KDM4C: variants seen among roughly 807,000 people sequenced by gnomAD.
The protein encoded by KDM4C is lysine demethylase 4C, also known as lysine-specific demethylase 4C.
KDM4C carries 81 observed loss-of-function variants against 129.3 expected under a neutral mutation model. The ratio of observed to expected loss-of-function variants is 0.63; its 90% CI spans 0.52 to 0.75. The LOEUF (loss-of-function observed/expected upper bound fraction) is 0.75. KDM4C is among the 30% of genes least tolerant of loss of function. The pLI is 0.00. For synonymous variants in KDM4C, 573 were observed against 456.1 expected, an observed-to-expected ratio of 1.26 and a Z score of -3.26; for missense variants, 1,457 against 1,304.0, an observed-to-expected ratio of 1.12 and a Z score of -1.81.
Position 6,997,407 on chromosome 9 carries a change from CAA to C in KDM4C, c.1786+6884_1786+6885del, listed in dbSNP as rs1254883677. Reference sequence around the variant, plus strand: ...AACAAAATCCAGAAACAAACAAAAACAAGAGAGCTTGCTTGCCTGAAACTTAG... The same window carrying C: ...AACAAAATCCAGAAACAAACAAAAACGAGAGCTTGCTTGCCTGAAACTTAG... On this transcript the variant is annotated intron_variant, in intron 12 of 21. Transcript: ENST00000381309. 5.3e-5 allele frequency among the ~76,000 whole-genome samples: 8 copies of C among 152,160 alleles called. No individual in the cohort carries two copies. The East Asian group carries it at 9.6e-4, about 18-fold the overall frequency.
At chr9:6,919,242 CTTTCT>C (rs1170665863) in intron 8 of KDM4C, among the ~76,000 whole-genome samples, 25 of 94,728 alleles carry the variant, frequency 2.6e-4, no homozygotes, top group African/African-American at 1.0e-3. Context: ...TTCTTTCTTT[CTTTCT>C]TTTCTTTCTT....
rs118140410 is a variant in KDM4C at position 6,792,960 on chromosome 9, T to A, written c.-17-12T>A. ...TAATTCAGTTCTGTTGACCCTACTGTCTTCTCTCCAGACACTGCCCTAACC... is the reference window on the plus strand; with the variant it reads ...TAATTCAGTTCTGTTGACCCTACTGACTTCTCTCCAGACACTGCCCTAACC... On this transcript the variant is annotated splice_polypyrimidine_tract_variant and intron_variant, in intron 1 of 21. Transcript: ENST00000381309. The A allele has an allele frequency of 7.9e-3, 12,729 of 1,613,414 alleles. 57 individuals are homozygous for A. Among genetic ancestry groups the A allele is most frequent in the Non-Finnish European group, 9.4e-3 (11,075 of 1,179,644 alleles).
intron 8 of KDM4C, among the ~76,000 whole-genome samples, chr9:6,962,634 A>C (rs1830222630): frequency 6.6e-6 from 1 of 152,098 alleles, no homozygotes; most frequent in South Asian, 2.1e-4. Flanking sequence ...AATAAGATAC[A>C]TTTCTTTGTT....
intron 6 of KDM4C, among the ~76,000 whole-genome samples, chr9:6,883,467 C>G (rs932853215): frequency 1.3e-5 from 2 of 152,040 alleles, no homozygotes; most frequent in African/African-American, 2.4e-5. Context: ...AGTGAAGAAA[C>G]GGTTGGTAAA....
intron 1 of KDM4C, among the ~76,000 whole-genome samples, chr9:6,732,419 G>T (rs562555662): frequency 1.3e-4 from 17 of 134,266 alleles, no homozygotes; most frequent in East Asian, 9.9e-4. Flanking sequence ...GCCGGAAGTT[G>T]TGGCTCACAC....
intron 1 of KDM4C, among the ~76,000 whole-genome samples, chr9:6,777,506 T>C (rs1015275958): frequency 1.3e-5 from 2 of 152,264 alleles, no homozygotes; most frequent in Non-Finnish European, 2.9e-5. Flanking sequence ...TTTTATCTTT[T>C]CTGTAGTGAG....
At position 7,111,896 on chromosome 9, in the gene KDM4C, C is replaced by T. The variant is rs189343978; in HGVS notation, c.2610+8026C>T. On this transcript the variant is annotated intron_variant, in intron 18 of 21. Transcript: ENST00000381309. Reference sequence around the variant, plus strand: ...CTAAACAAGGATCTGTTTTTAGGGACGAGGTGAGGGACAGGAAGGATTATC... The same window carrying T: ...CTAAACAAGGATCTGTTTTTAGGGATGAGGTGAGGGACAGGAAGGATTATC... Among the ~76,000 whole-genome samples the T allele has an allele frequency of 9.5e-4, 144 of 152,050 alleles. 1 individual carries two copies. The highest frequency in any genetic ancestry group is 3.2e-3 in the African/African-American group (134 of 41,482).
chr9:6,824,075 C>T (rs868074480), intron 4 of KDM4C, among the ~76,000 whole-genome samples: 1 of 152,204 alleles, frequency 6.6e-6, no homozygotes, highest in Non-Finnish European at 1.5e-5. Context: ...ACAACTGAAA[C>T]AGTTCTGTTG....
Position 6,922,244 on chromosome 9 carries a change from T to C in KDM4C, c.921+29012T>C, listed in dbSNP as rs1474672460. Among the ~76,000 whole-genome samples, 9 of 152,254 alleles carry C rather than the reference T, an allele frequency of 5.9e-5. No individual in the cohort carries two copies. In the South Asian group the frequency reaches 1.4e-3, roughly 24 times the overall value. ...ATCTAATTCCTATCTTAATTTTTTGTTTTATGCAATGTTATAACACTGAAC... is the reference window on the plus strand; with the variant it reads ...ATCTAATTCCTATCTTAATTTTTTGCTTTATGCAATGTTATAACACTGAAC... On this transcript the variant is annotated intron_variant, in intron 8 of 21. Coordinates refer to ENST00000381309, the MANE Select transcript of KDM4C (RefSeq NM_015061.6).
intron 10 of KDM4C, 68 bp downstream of exon 10, chr9:6,984,472 G>T: frequency 2.0e-6 from 2 of 1,008,954 alleles, no homozygotes; most frequent in South Asian, 1.4e-5. Context: ...GTCTTAAATG[G>T]ATGTTCACTA....
intron 19 of KDM4C, among the ~76,000 whole-genome samples, chr9:7,149,600 GCC>G (rs1007242585): frequency 6.6e-6 from 1 of 152,222 alleles, no homozygotes; most frequent in African/African-American, 2.4e-5. Flanking sequence ...ACAGGCCGCC[GCC>G]ACCAGTAGTA....
chr9:6,997,940 G>C (rs1039771081), intron 12 of KDM4C, among the ~76,000 whole-genome samples: 1 of 152,232 alleles, frequency 6.6e-6, no homozygotes, highest in Non-Finnish European at 1.5e-5. Flanking sequence ...GAAAGATGCA[G>C]ATAACCAAGT....
At chr9:6,815,105 T>G (rs1006322278) in intron 4 of KDM4C, 1 of 155,626 alleles carries the variant, frequency 6.4e-6, no homozygotes, top group African/African-American at 2.4e-5. Flanking sequence ...TAGATATATT[T>G]TTCCAGTACT....
chr9:6,819,605 C>A (rs1466616470), intron 4 of KDM4C, among the ~76,000 whole-genome samples: 1 of 152,120 alleles, frequency 6.6e-6, no homozygotes, highest in Non-Finnish European at 1.5e-5. Context: ...TTGTAAACTG[C>A]TTCTGGTAAA....
Position 7,103,768 on chromosome 9 carries a change from C to G in KDM4C, c.2508C>G (p.Phe836Leu). The change falls in exon 18 of 22, where the codon TTC becomes TTG. Residue 836 changes from phenylalanine (F) to leucine (L), a missense_variant. Phe to Leu is a conservative substitution (Grantham distance 22). Transcript: ENST00000381309. ...QCSYGRCPAS[F>L]HVTCAHAAGV... ...CCTACGGTCGCTGCCCGGCCTCCTTCCATGTCACTTGTGCCCATGCTGCTG... is the reference window on the plus strand; with the variant it reads ...CCTACGGTCGCTGCCCGGCCTCCTTGCATGTCACTTGTGCCCATGCTGCTG... The G allele has an allele frequency of 3.1e-6, 5 of 1,613,998 alleles. No individual in the cohort carries two copies. The highest frequency in any genetic ancestry group is 3.4e-6 in the Non-Finnish European group (4 of 1,179,928).
At chr9:7,170,559 AC>A (rs1203770100) in intron 21 of KDM4C, 5 of 957,878 alleles carry the variant, frequency 5.2e-6, no homozygotes, top group Non-Finnish European at 6.2e-6. Flanking sequence ...AATAATTTAG[AC>A]TTCATATTAT....
chr9:6,909,801 A>G (rs1818947768), intron 8 of KDM4C, among the ~76,000 whole-genome samples: 1 of 152,218 alleles, frequency 6.6e-6, no homozygotes, highest in South Asian at 2.1e-4. Context: ...TTCTTAAAAA[A>G]ATATTTAATG....
intron 12 of KDM4C, among the ~76,000 whole-genome samples, chr9:6,991,284 C>G (rs946448614): frequency 4.6e-5 from 7 of 151,956 alleles, no homozygotes; most frequent in Non-Finnish European, 1.0e-4. Context: ...ATGGGTTTTG[C>G]TATTGCCCAG....
chr9:6,730,569 C>G (rs959106597), intron 1 of KDM4C, among the ~76,000 whole-genome samples: 18 of 150,236 alleles, frequency 1.2e-4, no homozygotes, highest in African/African-American at 3.9e-4. Context: ...GAGCCGAGAT[C>G]GTGCCACTGC....
Sources: gnomAD v4.1 joint callset for allele counts (sites outside exome capture counted in the v4.1 genomes callset) on GRCh38, gnomAD v4.1.1 for gene constraint, MANE v1.5 for transcripts, NCBI Gene and HGNC (gene_info 2026-07-23, HGNC 2026-07-21) for gene names.